Variants in CPNE7 observed in about 807,000 individuals in gnomAD.
The protein encoded by CPNE7 is copine 7.
Under a neutral mutation model 66.5 loss-of-function variants are expected in CPNE7, and 78 were observed. That is an observed-to-expected ratio of 1.17 (90% CI 0.98 to 1.42). The LOEUF (loss-of-function observed/expected upper bound fraction) is 1.42. Among genes scored for constraint, CPNE7 ranks in the 40% most tolerant of loss-of-function variants. CPNE7 has a pLI of 0.00. For missense variants in CPNE7, 1,012 were observed against 776.6 expected (o/e 1.30, Z -3.60); for synonymous variants, 468 against 336.7 (o/e 1.39, Z -4.27).
intron 13 of CPNE7, 93 bp downstream of exon 13, chr16:89,591,353 A>G: frequency 1.4e-6 from 2 of 1,440,746 alleles, no homozygotes; most frequent in Non-Finnish European, 1.8e-6. Flanking sequence ...GGCAGAGGGA[A>G]CAGCCAGCGC....
Position 89,584,633 on chromosome 16 carries a change from CG to C in CPNE7, c.508-137del. 1 of 668,066 alleles carries C rather than the reference CG, an allele frequency of 1.5e-6. No homozygotes were observed. The highest frequency in any genetic ancestry group is 1.8e-5 in the African/African-American group (1 of 56,530). 41.4% of individuals were successfully genotyped at this position (668,066 alleles called of 1,614,324 possible). A position where few individuals can be genotyped will look rare whatever the true frequency, so the allele number is the denominator to read the frequency against. On this transcript the variant is annotated intron_variant, in intron 4 of 14. Transcript: ENST00000319518. The surrounding 1 kb of genome is among the most constrained non-coding windows in gnomAD (Gnocchi z 6.0). Reference sequence around the variant, plus strand: ...GGAGGGAGGGACGAGATGCTGTCGGCGGGGACTGGCTGCCTCGTTTTGTGCC... The same window carrying C: ...GGAGGGAGGGACGAGATGCTGTCGGCGGGACTGGCTGCCTCGTTTTGTGCC...
chr16:89,589,264 C>T (rs2059134016), intron 10 of CPNE7, among the ~76,000 whole-genome samples: 1 of 152,162 alleles, frequency 6.6e-6, no homozygotes, highest in Non-Finnish European at 1.5e-5. Context: ...TGTACTCAAG[C>T]CTGGGTGACA....
Position 89,596,487 on chromosome 16 carries a change from T to TC in CPNE7, c.1547dup (p.Ala517CysfsTer49), listed in dbSNP as rs2059257467. The TC allele has an allele frequency of 1.2e-6, 2 of 1,605,672 alleles. No homozygotes were observed. Among genetic ancestry groups the TC allele is most frequent in the South Asian group, 2.2e-5 (2 of 90,792 alleles). On this transcript the variant is annotated frameshift_variant, in exon 15 of 15. Coordinates refer to ENST00000319518, the MANE Select transcript of CPNE7 (RefSeq NM_153636.3). LOFTEE classifies it low-confidence loss of function (END_TRUNC). ...ACTGCGTTGTCCCATCCTCCAGGCA[T>TC]CCCCTGCGGCGCTGGCCAAGTGCGT...
intron 13 of CPNE7, among the ~76,000 whole-genome samples, chr16:89,595,139 T>A (rs2059233622): frequency 6.6e-6 from 1 of 151,876 alleles, no homozygotes; most frequent in African/African-American, 2.4e-5. Flanking sequence ...GTGAGACTCG[T>A]GGAGATTTCC....
chr16:89,584,165 G>A lies in CPNE7; in HGVS notation c.507+63G>A, dbSNP rs543930681. 4.0e-5 allele frequency: 61 copies of A among 1,541,196 alleles called. No individual in the cohort carries two copies. Among genetic ancestry groups the A allele is most frequent in the South Asian group, 3.2e-4 (28 of 86,628 alleles). Reference sequence around the variant, plus strand: ...GGTCCGGGAACCGGTTCGAAAACCCGGTCCCTGCCCAGCGCTGACCTCGCG... The same window carrying A: ...GGTCCGGGAACCGGTTCGAAAACCCAGTCCCTGCCCAGCGCTGACCTCGCG... On this transcript the variant is annotated intron_variant, in intron 4 of 14. Transcript: ENST00000319518. This position sits in a 1 kb window ranked among gnomAD's most constrained non-coding sequence, Gnocchi z 6.0.
Position 89,577,619 on chromosome 16 carries a change from G to T in CPNE7, c.255G>T (p.Glu85Asp). ...TCACGGTGGACTACTACTTCGAGGA[G>T]GTGCAGAGGCTGCGCTTTGAGGTGT... ...KVFTVDYYFE[E>D]VQRLRFEVYD... The change falls in exon 2 of 15, where the codon GAG becomes GAT. Residue 85 changes from glutamate (E) to aspartate (D), a missense_variant. By Grantham distance (45) the Glu-to-Asp change is conservative. Transcript: ENST00000319518. The T allele has an allele frequency of 6.4e-7, 1 of 1,571,028 alleles. No homozygotes were observed. The highest frequency in any genetic ancestry group is 2.3e-5 in the East Asian group (1 of 42,766).
Position 89,584,935 on chromosome 16 carries a change from G to C in CPNE7, c.591+78G>C. 4 of 1,284,988 alleles carry C rather than the reference G, an allele frequency of 3.1e-6. No individual in the cohort carries two copies. Among genetic ancestry groups the C allele is most frequent in the Non-Finnish European group, 3.4e-6 (3 of 894,956 alleles). The allele number at this position is 1,284,988 out of a possible 1,614,324, so 79.6% of individuals were successfully genotyped here. On this transcript the variant is annotated intron_variant, in intron 5 of 14. Transcript: ENST00000319518. The surrounding 1 kb of genome is among the most constrained non-coding windows in gnomAD (Gnocchi z 6.0). ...TCACGCATCTCTGGCCACATGGGAG[G>C]AGCTCCCAGCCTCCAACAGGGAGCT...
chr16:89,576,087 G>A lies in CPNE7; in HGVS notation c.174+16G>A. The stretch of plus-strand genomic sequence containing the variant: ...GTGGGTGCAGGTAGGGCCGGGGCGT[G>A]GGAGGCCGAGAGGCCACCGGGCCGG... On this transcript the variant is annotated intron_variant, in intron 1 of 14. Transcript: ENST00000319518. 8.0e-7 allele frequency: 1 copy of A among 1,249,650 alleles called. No homozygotes were observed. Among genetic ancestry groups the A allele is most frequent in the South Asian group, 3.1e-5 (1 of 32,288 alleles). The allele number at this position is 1,249,650 out of a possible 1,614,324, so 77.4% of individuals were successfully genotyped here.
chr16:89,583,759 G>A lies in CPNE7; in HGVS notation c.420G>A (p.Lys140=). 2 of 1,612,726 alleles carry A rather than the reference G, an allele frequency of 1.2e-6. No individual in the cohort carries two copies. Among genetic ancestry groups the A allele is most frequent in the Non-Finnish European group, 1.7e-6 (2 of 1,179,922 alleles). Residue 140 remains lysine (K), a synonymous_variant, in exon 3 of 15, where the codon AAG becomes AAA. Coordinates refer to ENST00000319518, the MANE Select transcript of CPNE7 (RefSeq NM_153636.3). ...TCAAGTTTGGCAGGAACGCTGGCAAGTCCACCATCACGGTGAGACCCGGGC... is the reference window on the plus strand; with the variant it reads ...TCAAGTTTGGCAGGAACGCTGGCAAATCCACCATCACGGTGAGACCCGGGC... ...LLLKFGRNAG[K]STITVIAEDI...
At chr16:89,589,648 G>A (rs953409510) in intron 10 of CPNE7, among the ~76,000 whole-genome samples, 6 of 152,172 alleles carry the variant, frequency 3.9e-5, no homozygotes, top group Admixed American at 3.9e-4. Context: ...TCTGCAGGGG[G>A]ACAGCATGTA....
Position 89,596,647 on chromosome 16 carries a change from C to A in CPNE7, c.*26C>A. ...AGATGTGGAGGGCGTAGGGTGGGGG[C>A]AGTGAGGAATGGGTCCGTACAGCCT... On this transcript the variant is annotated 3_prime_UTR_variant, in exon 15 of 15. Transcript: ENST00000319518. 1.3e-6 allele frequency: 2 copies of A among 1,571,972 alleles called. No homozygotes were observed. Among genetic ancestry groups the A allele is most frequent in the Non-Finnish European group, 8.6e-7 (1 of 1,166,108 alleles).
At position 89,596,614 on chromosome 16, in the gene CPNE7, C is replaced by T; in HGVS notation, c.1670C>T (p.Thr557Ile). ...GCCGGAGAGGCCAGCCCAGGCTGCA[C>T]ACCGTGAAGATGTGGAGGGCGTAGG... ...VPAGEASPGC[T>I]P The change falls in exon 15 of 15, where the codon ACA (threonine) becomes ATA (isoleucine). Residue 557 changes from threonine to isoleucine, a missense_variant. Physicochemically the swap from Thr to Ile is moderately conservative, Grantham distance 89. Transcript: ENST00000319518. The T allele has an allele frequency of 6.2e-7, 1 of 1,601,628 alleles. No homozygotes were observed. The highest frequency in any genetic ancestry group is 1.3e-5 in the African/African-American group (1 of 74,780).
At chr16:89,583,515 C>G (rs202128349) in intron 2 of CPNE7, 182 bp from the exon 3 acceptor site, 1 of 1,562,836 alleles carries the variant, frequency 6.4e-7, no homozygotes, top group African/African-American at 1.4e-5. Flanking sequence ...GGTGGCCACA[C>G]GCAGGGATGG....
At chr16:89,594,932 G>A (rs547305426) in intron 13 of CPNE7, among the ~76,000 whole-genome samples, 6 of 152,172 alleles carry the variant, frequency 3.9e-5, no homozygotes, top group African/African-American at 9.6e-5. Flanking sequence ...GATTACAGGC[G>A]TGAACCACCG....
intron 14 of CPNE7, among the ~76,000 whole-genome samples, chr16:89,596,163 A>G (rs1197966765): frequency 6.6e-6 from 1 of 152,280 alleles, no homozygotes; most frequent in Non-Finnish European, 1.5e-5. Context: ...AGACACATGA[A>G]GCTCTGCAGT....
chr16:89,583,915 C>T, intron 3 of CPNE7, 113 bp from the exon 4 acceptor site: 1 of 1,453,598 alleles, frequency 6.9e-7, no homozygotes, highest in Non-Finnish European at 9.5e-7. Context: ...GGTACACAGA[C>T]ACCTCCTCTC....
At chr16:89,592,745 A>G (rs1168511959) in intron 13 of CPNE7, among the ~76,000 whole-genome samples, 1 of 146,732 alleles carries the variant, frequency 6.8e-6, no homozygotes, top group African/African-American at 2.5e-5. Context: ...CCCAGCCCAA[A>G]TTTTTTTTAT....
At chr16:89,594,763 T>G (rs2059227676) in intron 13 of CPNE7, among the ~76,000 whole-genome samples, 1 of 147,592 alleles carries the variant, frequency 6.8e-6, no homozygotes, top group African/African-American at 2.5e-5. Flanking sequence ...GCGATTCTCA[T>G]GCCTCAGCCT....
At chr16:89,592,242 C>T (rs1372399665) in intron 13 of CPNE7, among the ~76,000 whole-genome samples, 1 of 150,392 alleles carries the variant, frequency 6.6e-6, no homozygotes, top group Non-Finnish European at 1.5e-5. Context: ...TCTCGATCTC[C>T]TGACCTCGTG....
Sources: gnomAD v4.1 joint callset for allele counts (sites outside exome capture counted in the v4.1 genomes callset) on GRCh38, gnomAD v4.1.1 for gene constraint, Gnocchi (gnomAD v3.1) non-coding constraint, MANE v1.5 for transcripts, NCBI Gene and HGNC (gene_info 2026-07-23, HGNC 2026-07-21) for gene names.